Variants in EMID1 observed in about 807,000 individuals in gnomAD.
The protein encoded by EMID1 is EMI domain containing 1.
A neutral mutation model predicts 60.6 loss-of-function variants in EMID1; 40 were observed. The ratio of observed to expected loss-of-function variants is 0.66; its 90% CI spans 0.51 to 0.86. The LOEUF (loss-of-function observed/expected upper bound fraction) is 0.86. Ranked by LOEUF, EMID1 falls within the 40% of genes least tolerant of loss-of-function variation. The pLI is 0.00. For synonymous variants in EMID1, 242 were observed against 231.0 expected (o/e 1.05, Z -0.43); for missense variants, 585 against 597.1 (o/e 0.98, Z 0.21).
At chr22:29,219,392 A>G (rs566719438) in intron 3 of EMID1, among the ~76,000 whole-genome samples, 23 of 152,176 alleles carry the variant, frequency 1.5e-4, no homozygotes, top group Non-Finnish European at 2.6e-4. Context: ...TCCCCAGCAT[A>G]CATATTCCTT....
intron 1 of EMID1, 90 bp downstream of exon 1, chr22:29,206,229 C>T (rs1005942007): frequency 3.8e-5 from 38 of 1,013,148 alleles, no homozygotes; most frequent in Non-Finnish European, 4.4e-5. Flanking sequence ...GATTGGAGGG[C>T]GATCCAGTCC....
intron 1 of EMID1, among the ~76,000 whole-genome samples, chr22:29,208,819 C>T (rs1054179832): frequency 6.6e-6 from 1 of 152,234 alleles, no homozygotes; most frequent in African/African-American, 2.4e-5. Flanking sequence ...GGGCCCATGT[C>T]TGGGCCTGAG....
At chr22:29,257,761 G>A (rs540812639) in intron 14 of EMID1, among the ~76,000 whole-genome samples, 33 of 152,308 alleles carry the variant, frequency 2.2e-4, no homozygotes, top group Admixed American at 1.8e-3. Context: ...GGACTATTAT[G>A]CCCACGTTCC....
At chr22:29,256,727 G>T (rs1333058523) in intron 14 of EMID1, among the ~76,000 whole-genome samples, 1 of 152,110 alleles carries the variant, frequency 6.6e-6, no homozygotes, top group Non-Finnish European at 1.5e-5. Flanking sequence ...GTCCCTAGGG[G>T]TTGGAGAAGG....
At chr22:29,252,214 G>A (rs2041552683) in intron 13 of EMID1, among the ~76,000 whole-genome samples, 1 of 152,216 alleles carries the variant, frequency 6.6e-6, no homozygotes, top group Admixed American at 6.5e-5. Flanking sequence ...TGGCCATTCA[G>A]CGGCCTGAGG....
chr22:29,231,450 C>CA (rs750111298), intron 6 of EMID1, 143 bp from the exon 7 acceptor site: 8 of 922,134 alleles, frequency 8.7e-6, no homozygotes, highest in African/African-American at 1.6e-5. Flanking sequence ...CTACCCCCCC[C>CA]ACCCCAGGGC....
intron 3 of EMID1, among the ~76,000 whole-genome samples, chr22:29,218,472 C>A (rs1401022026): frequency 1.3e-5 from 2 of 152,184 alleles, no homozygotes; most frequent in Admixed American, 1.3e-4. Context: ...ATGGGACTGG[C>A]CTGAGGTCAC....
At chr22:29,233,490 G>T (rs1479601491) in intron 9 of EMID1, 22 bp downstream of exon 9, 1 of 1,612,938 alleles carries the variant, frequency 6.2e-7, no homozygotes, top group Admixed American at 1.7e-5. Context: ...CCAGGCCAGG[G>T]GTAAAGGGTG....
intron 13 of EMID1, among the ~76,000 whole-genome samples, chr22:29,250,715 CA>C (rs1437350526): frequency 7.1e-6 from 1 of 140,534 alleles, no homozygotes; most frequent in Non-Finnish European, 1.5e-5. Flanking sequence ...TACAGGCATG[CA>C]CCACCACACC....
intron 3 of EMID1, among the ~76,000 whole-genome samples, chr22:29,222,869 A>G (rs1342135802): frequency 1.3e-5 from 2 of 152,154 alleles, no homozygotes; most frequent in Non-Finnish European, 2.9e-5. Flanking sequence ...AGGCGGGTGG[A>G]TCACGAGGTC....
chr22:29,243,608 C>T, intron 13 of EMID1, 119 bp downstream of exon 13: 1 of 1,181,468 alleles, frequency 8.5e-7, no homozygotes, highest in Non-Finnish European at 1.2e-6. Flanking sequence ...CCCACTACAG[C>T]CTGGTCTCCC....
chr22:29,219,038 C>A (rs900134362), intron 3 of EMID1, among the ~76,000 whole-genome samples: 12 of 152,148 alleles, frequency 7.9e-5, no homozygotes, highest in Non-Finnish European at 2.9e-5. Flanking sequence ...AAGGTTTACC[C>A]CCTGCAGGAG....
chr22:29,246,148 T>C (rs182974697), intron 13 of EMID1, among the ~76,000 whole-genome samples: 1 of 152,228 alleles, frequency 6.6e-6, no homozygotes, highest in East Asian at 1.9e-4. Flanking sequence ...GAGGCGAGGG[T>C]ACAACAGGTG....
intron 12 of EMID1, among the ~76,000 whole-genome samples, chr22:29,235,877 C>T (rs2040933182): frequency 6.8e-6 from 1 of 147,562 alleles, no homozygotes; most frequent in Admixed American, 7.1e-5. Flanking sequence ...GTAGCCCCAA[C>T]CTCCCTGGCT....
rs1376641103 is a variant in EMID1, at chr22:29,232,274, G to A, written c.695G>A (p.Gly232Glu). 2.5e-6 allele frequency: 4 copies of A among 1,611,512 alleles called. No homozygotes were observed. Among genetic ancestry groups the A allele is most frequent in the Non-Finnish European group, 3.4e-6 (4 of 1,179,796 alleles). ...ATTGCAGGTCCACAGGGCCCCCCAG[G>A]GAGCCCTGGCCGGGCTGGAGCTGTG... ...RGPPGPQGPP[G>E]SPGRAGAVGT... Residue 232 changes from glycine to glutamate, a missense_variant, in exon 8 of 15, where the codon GGG becomes GAG. Coordinates refer to ENST00000334018, the MANE Select transcript of EMID1 (RefSeq NM_133455.4).
intron 14 of EMID1, chr22:29,254,831 T>C (rs2041645909): frequency 1.2e-5 from 2 of 166,888 alleles, no homozygotes; most frequent in Non-Finnish European, 2.6e-5. Context: ...GGCAGGGGAC[T>C]GTGGGTGACA....
intron 14 of EMID1, chr22:29,254,864 G>T (rs751521877): frequency 5.9e-6 from 1 of 169,606 alleles, no homozygotes; most frequent in African/African-American, 2.4e-5. Context: ...GGCCCCAGGG[G>T]ACTCTGGGTA....
chr22:29,206,237 T>G (rs1226202891), intron 1 of EMID1, 98 bp downstream of exon 1: 1 of 965,640 alleles, frequency 1.0e-6, no homozygotes, highest in Non-Finnish European at 1.3e-6. Context: ...GGCGATCCAG[T>G]CCCCAGCCCG....
intron 8 of EMID1, chr22:29,233,005 T>G (rs757503629): frequency 7.5e-6 from 2 of 268,226 alleles, no homozygotes; most frequent in Non-Finnish European, 1.4e-5. Flanking sequence ...ATGGGGACAA[T>G]GACAGTGCCA....
Sources: gnomAD v4.1 joint callset for allele counts (sites outside exome capture counted in the v4.1 genomes callset) on GRCh38, gnomAD v4.1.1 for gene constraint, MANE v1.5 for transcripts, NCBI Gene and HGNC (gene_info 2026-07-23, HGNC 2026-07-21) for gene names.